Variants in AP3B2 observed in about 807,000 individuals in gnomAD.
AP3B2 encodes the protein AP-3 complex subunit beta-2.
In AP3B2, 50 loss-of-function variants were observed where a neutral mutation model predicts 126.9. The observed-to-expected ratio is 0.39, with a 90% CI of 0.31 to 0.50. AP3B2 has a LOEUF of 0.50. Among genes scored for constraint, AP3B2 ranks in the 20% least tolerant of loss-of-function variants. The pLI, the probability that AP3B2 is intolerant of heterozygous loss-of-function variation, is 0.79. For missense variants in AP3B2, 1,177 were observed against 1,426.4 expected (o/e 0.83, Z 2.82); for synonymous variants, 541 against 565.0 (o/e 0.96, Z 0.60).
chr15:82,681,216 A>G lies in AP3B2; in HGVS notation c.522-38T>C. 5 of 1,589,276 alleles carry G rather than the reference A, an allele frequency of 3.1e-6. No homozygotes were observed. Among genetic ancestry groups the G allele is most frequent in the Non-Finnish European group, 4.3e-6 (5 of 1,167,248 alleles). On this transcript the variant is annotated intron_variant, in intron 5 of 26. Coordinates refer to ENST00000535359, the MANE Select transcript of AP3B2 (RefSeq NM_001278512.2). This position sits in a 1 kb window ranked among gnomAD's most constrained non-coding sequence, Gnocchi z 4.0. ...TCGGTGAGGGGAATTTGCCACTCTC[A>G]GCCCCAGCCTTCCCAATATCTGTCC... is the stretch of plus-strand genomic sequence containing the variant.
chr15:82,666,984 G>T, intron 14 of AP3B2, 51 bp from the exon 15 acceptor site: 1 of 1,556,936 alleles, frequency 6.4e-7, no homozygotes, highest in East Asian at 2.3e-5. Context: ...GGGGACACAG[G>T]AGGCTCAGAA....
chr15:82,688,634 C>A (rs779513775), intron 4 of AP3B2, 102 bp downstream of exon 4: 1 of 1,112,104 alleles, frequency 9.0e-7, no homozygotes, highest in South Asian at 1.3e-5. Flanking sequence ...AGGAAGGGGT[C>A]TGCAGAGCCC....
chr15:82,699,852 C>A lies in AP3B2; in HGVS notation c.113+9742G>T, dbSNP rs150858418. 1,531 of 399,818 alleles carry A rather than the reference C, an allele frequency of 3.8e-3. 18 individuals are homozygous for A. The highest frequency in any genetic ancestry group is 0.028 in the African/African-American group (1,382 of 48,780). The allele number at this position is 399,818 out of a possible 1,614,324, so 24.8% of individuals were successfully genotyped here. On this transcript the variant is annotated intron_variant, in intron 1 of 26. Coordinates refer to ENST00000535359, the MANE Select transcript of AP3B2 (RefSeq NM_001278512.2). ...TGACCCCAGGCCTCACCACGGCCCC[C>A]GGGAGCTGCAGGAATCGCTGCATCA...
Position 82,687,296 on chromosome 15 carries a change from G to A in AP3B2, c.360+1440C>T, listed in dbSNP as rs995913836. 6 of 152,140 alleles carry A rather than the reference G, an allele frequency of 3.9e-5. No homozygotes were observed. The South Asian group carries it at 8.3e-4, about 21-fold the overall frequency. 9.4% of individuals were successfully genotyped at this position (152,140 alleles called of 1,614,324 possible). A position where few individuals can be genotyped will look rare whatever the true frequency, so the allele number is the denominator to read the frequency against. Reference sequence around the variant, plus strand: ...TCAATGGCTGCATTTGCACCATAAGGGCAAAATTGAGTAGTTGCATAGTTG... The same window carrying A: ...TCAATGGCTGCATTTGCACCATAAGAGCAAAATTGAGTAGTTGCATAGTTG... On this transcript the variant is annotated intron_variant, in intron 4 of 26. Coordinates refer to ENST00000535359, the MANE Select transcript of AP3B2 (RefSeq NM_001278512.2).
chr15:82,695,099 T>C (rs72753921), intron 1 of AP3B2, among the ~76,000 whole-genome samples: 41 of 34,646 alleles, frequency 1.2e-3, no homozygotes, highest in African/African-American at 1.4e-3. Flanking sequence ...TTCTTTCTTT[T>C]TTTTTTTTTT....
chr15:82,660,860 C>T (rs181472759), intron 25 of AP3B2, among the ~76,000 whole-genome samples: 1 of 152,222 alleles, frequency 6.6e-6, no homozygotes, highest in African/African-American at 2.4e-5. Flanking sequence ...CTGTCTCCCT[C>T]CTCATTCATG....
chr15:82,661,438 C>T (rs766915651), intron 25 of AP3B2, among the ~76,000 whole-genome samples: 1 of 152,196 alleles, frequency 6.6e-6, no homozygotes, highest in African/African-American at 2.4e-5. Flanking sequence ...CAGCCCACCA[C>T]CTATATGGCC....
intron 14 of AP3B2, among the ~76,000 whole-genome samples, chr15:82,668,689 A>G (rs1448173926): frequency 1.3e-5 from 2 of 152,110 alleles, no homozygotes; most frequent in Admixed American, 1.3e-4. Context: ...CTCCACCCCA[A>G]GGGGCCATTC....
At chr15:82,670,245 G>A (rs1325669693) in intron 14 of AP3B2, among the ~76,000 whole-genome samples, 2 of 151,440 alleles carry the variant, frequency 1.3e-5, no homozygotes, top group African/African-American at 4.8e-5. Flanking sequence ...AAGTAGCTGG[G>A]ATTACAGGCA....
intron 4 of AP3B2, chr15:82,687,061 CAA>C (rs2048439573): frequency 6.6e-6 from 1 of 152,100 alleles, no homozygotes; most frequent in African/African-American, 2.4e-5. Context: ...GAGGTTTCAA[CAA>C]AAGAGAATGG....
Position 82,680,653 on chromosome 15 carries a change from A to G in AP3B2, c.874T>C (p.Ser292Pro). 1 of 1,584,702 alleles carries G rather than the reference A, an allele frequency of 6.3e-7. No homozygotes were observed. Among genetic ancestry groups the G allele is most frequent in the African/African-American group, 1.3e-5 (1 of 74,332 alleles). ...SEETAAAAAP[S>P]RKPYVMDPDH... is the part of the protein sequence containing the mutation. ...GGGTCCATGACATAGGGCTTTCGGGAGGGGGCGGCCGCGGCGGCCGTCTCC... is the reference window on the plus strand; with the variant it reads ...GGGTCCATGACATAGGGCTTTCGGGGGGGGGCGGCCGCGGCGGCCGTCTCC... Residue 292 changes from serine (S) to proline (P), a missense_variant, in exon 8 of 27, where the codon TCC becomes CCC. This residue lies in a region of AP3B2 where 103 missense variants were observed against 101.4 expected (regional missense o/e 1.02). Transcript: ENST00000535359. This position sits in a 1 kb window ranked among gnomAD's most constrained non-coding sequence, Gnocchi z 6.1.
At chr15:82,677,428 G>A in intron 12 of AP3B2, 45 bp from the exon 13 acceptor site, 1 of 1,553,252 alleles carries the variant, frequency 6.4e-7, no homozygotes, top group Non-Finnish European at 8.8e-7. Context: ...CAGTCAGATG[G>A]CCACACTCAG....
intron 1 of AP3B2, among the ~76,000 whole-genome samples, chr15:82,701,705 A>C (rs187731959): frequency 1.3e-5 from 2 of 152,378 alleles, no homozygotes; most frequent in African/African-American, 4.8e-5. Context: ...TGTCAATGAC[A>C]GTTGAATCTA....
intron 1 of AP3B2, among the ~76,000 whole-genome samples, chr15:82,704,902 T>G (rs1259500469): frequency 6.9e-6 from 1 of 144,274 alleles, no homozygotes; most frequent in Non-Finnish European, 1.5e-5. Context: ...TGGGTATTGA[T>G]GGCCAGGCTT....
rs769837594 is a variant in AP3B2, at chr15:82,659,864, C to G, written c.3136G>C (p.Gly1046Arg). 1 of 1,613,994 alleles carries G rather than the reference C, an allele frequency of 6.2e-7. No individual in the cohort carries two copies. The highest frequency in any genetic ancestry group is 8.5e-7 in the Non-Finnish European group (1 of 1,179,888). Reference protein sequence around the residue: ...ATANLGRVPCGTSDEYRFAGR... With the variant: ...ATANLGRVPCRTSDEYRFAGR... Reference sequence around the variant, plus strand: ...TAGTACCTGTACTCATCAGATGTCCCACAAGGAACACGACCCAGGTTGGCA... The same window carrying G: ...TAGTACCTGTACTCATCAGATGTCCGACAAGGAACACGACCCAGGTTGGCA... The change falls in exon 26 of 27, where the codon GGG becomes CGG. Residue 1046 changes from glycine to arginine, a missense_variant. Gly to Arg is a moderately radical substitution (Grantham distance 125, BLOSUM62 -2). Coordinates refer to ENST00000535359, the MANE Select transcript of AP3B2 (RefSeq NM_001278512.2).
At chr15:82,682,486 C>T (rs1423764100) in intron 4 of AP3B2, among the ~76,000 whole-genome samples, 1 of 152,132 alleles carries the variant, frequency 6.6e-6, no homozygotes. Flanking sequence ...TACAGGCATA[C>T]CTCGGAGATA....
At chr15:82,678,555 A>C (rs545894068) in intron 10 of AP3B2, among the ~76,000 whole-genome samples, 2 of 151,934 alleles carry the variant, frequency 1.3e-5, no homozygotes, top group Admixed American at 1.3e-4. Flanking sequence ...ATCCCACTCC[A>C]CTTCCTAACC....
At position 82,665,098 on chromosome 15, in the gene AP3B2, A is replaced by C; in HGVS notation, c.2028+149T>G. 9.6e-7 allele frequency: 1 copy of C among 1,042,480 alleles called. No homozygotes were observed. The highest frequency in any genetic ancestry group is 1.4e-6 in the Non-Finnish European group (1 of 706,892). The allele number at this position is 1,042,480 out of a possible 1,614,324, so 64.6% of individuals were successfully genotyped here. A position where few individuals can be genotyped will look rare whatever the true frequency, so the allele number is the denominator to read the frequency against. On this transcript the variant is annotated intron_variant, in intron 17 of 26. Transcript: ENST00000535359. The surrounding 1 kb of genome is among the most constrained non-coding windows in gnomAD (Gnocchi z 4.4). ...GAGGAGGAAGAAAGGGGCACTGTCC[A>C]TGGAGGGGAGGGAATGCTGCTCACA...
chr15:82,680,436 G>A lies in AP3B2; in HGVS notation c.1055+36C>T. 1 of 1,455,242 alleles carries A rather than the reference G, an allele frequency of 6.9e-7. No individual in the cohort carries two copies. 90.1% of individuals were successfully genotyped at this position (1,455,242 alleles called of 1,614,324 possible). A position where few individuals can be genotyped will look rare whatever the true frequency, so the allele number is the denominator to read the frequency against. ...GGGCAGCCCGTGGGGCGGGGCAGGA[G>A]GCGAGGGAGGGGGCGGGGCTGGGGG... On this transcript the variant is annotated intron_variant, in intron 8 of 26. Transcript: ENST00000535359. The surrounding 1 kb of genome is among the most constrained non-coding windows in gnomAD (Gnocchi z 6.1).
Sources: allele counts gnomAD v4.1 joint callset (sites outside exome capture counted in the v4.1 genomes callset), GRCh38; gene constraint gnomAD v4.1.1; regional missense constraint gnomAD v4.1.1; non-coding constraint Gnocchi (gnomAD v3.1); transcripts MANE v1.5; gene names NCBI Gene and HGNC (gene_info 2026-07-23, HGNC 2026-07-21).